The following WSCD1 variants were observed in gnomAD, a reference collection of about 807,000 sequenced individuals.
The protein encoded by WSCD1 is sialate:O-sulfotransferase 1.
In WSCD1, 41 loss-of-function variants were observed where a neutral mutation model predicts 60.4. The observed-to-expected ratio is 0.68, with a 90% confidence interval of 0.53 to 0.88. WSCD1 has a LOEUF of 0.88. Among genes scored for constraint, WSCD1 ranks in the 40% least tolerant of loss-of-function variants. WSCD1 has a pLI of 0.00. For missense variants in WSCD1, 784 were observed against 796.2 expected, an observed-to-expected ratio of 0.98 and a Z score of 0.18; for synonymous variants, 361 against 332.5, an observed-to-expected ratio of 1.09 and a Z score of -0.93.
At chr17:6,071,087 C>G (rs1249191785) in intron 1 of WSCD1, 1 of 152,242 alleles carries the variant, frequency 6.6e-6, no homozygotes, top group African/African-American at 2.4e-5. Flanking sequence ...CCCTCTCGTT[C>G]CGCTACCAAG....
chr17:6,104,225 G>A (rs925829942), intron 5 of WSCD1, among the ~76,000 whole-genome samples: 9 of 152,056 alleles, frequency 5.9e-5, no homozygotes, highest in South Asian at 2.1e-4. Context: ...ATTACCAAGC[G>A]GATGGTGCTA....
chr17:6,081,881 C>T (rs181219746), intron 2 of WSCD1: 3 of 152,238 alleles, frequency 2.0e-5, no homozygotes, highest in South Asian at 2.1e-4. Flanking sequence ...GATCTTGTCA[C>T]AAGTGCAAAT....
intron 5 of WSCD1, among the ~76,000 whole-genome samples, chr17:6,109,293 C>A (rs1911270639): frequency 6.6e-6 from 1 of 152,200 alleles, no homozygotes; most frequent in Non-Finnish European, 1.5e-5. Context: ...CCTCTGCCCC[C>A]TGCTTTCTGC....
chr17:6,092,231 G>A (rs1910106125), intron 4 of WSCD1, among the ~76,000 whole-genome samples: 1 of 151,476 alleles, frequency 6.6e-6, no homozygotes, highest in Non-Finnish European at 1.5e-5. Flanking sequence ...TGTCGAGTGA[G>A]TTTTCCAAGC....
At chr17:6,115,389 C>G (rs1911635849) in intron 7 of WSCD1, among the ~76,000 whole-genome samples, 1 of 152,142 alleles carries the variant, frequency 6.6e-6, no homozygotes, top group Non-Finnish European at 1.5e-5. Flanking sequence ...GTCCAAAAAT[C>G]TTTTAAGAGT....
intron 5 of WSCD1, among the ~76,000 whole-genome samples, chr17:6,100,414 G>A (rs1490955224): frequency 6.6e-6 from 1 of 152,240 alleles, no homozygotes; most frequent in Admixed American, 6.5e-5. Flanking sequence ...TGGATGTCAT[G>A]CCTTTAAGTC....
chr17:6,097,718 T>C lies in WSCD1; in HGVS notation c.849+2495T>C, dbSNP rs1910534890. On this transcript the variant is annotated intron_variant, in intron 5 of 8. Coordinates refer to ENST00000317744, the MANE Select transcript of WSCD1 (RefSeq NM_015253.2). ...CTGTAAGAAAAATATTCCTTGGAGATGCTGGGTCAAAGACTGAGTGTCTTT... is the reference window on the plus strand; with the variant it reads ...CTGTAAGAAAAATATTCCTTGGAGACGCTGGGTCAAAGACTGAGTGTCTTT... Among the ~76,000 whole-genome samples, 5 of 152,236 alleles carry C rather than the reference T, an allele frequency of 3.3e-5. No homozygotes were observed. In the South Asian group the frequency reaches 1.0e-3, roughly 32 times the overall value.
At chr17:6,108,809 G>A (rs1381535786) in intron 5 of WSCD1, among the ~76,000 whole-genome samples, 1 of 152,370 alleles carries the variant, frequency 6.6e-6, no homozygotes, top group East Asian at 1.9e-4. Context: ...AGGGGAACAA[G>A]GACCCACTTA....
At chr17:6,099,993 G>A (rs1910704596) in intron 5 of WSCD1, among the ~76,000 whole-genome samples, 2 of 152,132 alleles carry the variant, frequency 1.3e-5, no homozygotes, top group Non-Finnish European at 2.9e-5. Flanking sequence ...CATATAGCTT[G>A]AATGCCTGCC....
Position 6,080,805 on chromosome 17 carries a change from C to A in WSCD1, c.147C>A (p.Pro49=). The A allele has an allele frequency of 6.2e-7, 1 of 1,609,202 alleles. No homozygotes were observed. The highest frequency in any genetic ancestry group is 2.2e-5 in the East Asian group (1 of 44,730). ...RVALPQGPRA[P]GPLQTLPVAA... is the part of the protein sequence containing the mutation. The stretch of plus-strand genomic sequence containing the variant: ...CTCTCCCACAGGGCCCCCGGGCACC[C>A]GGCCCCCTGCAGACCTTGCCAGTGG... The change falls in exon 2 of 9, where the codon CCC becomes CCA. Residue 49 remains proline, a synonymous_variant. Transcript: ENST00000317744. The surrounding 1 kb of genome is among the most constrained non-coding windows in gnomAD (Gnocchi z 6.6).
Position 6,120,360 on chromosome 17 carries a change from T to C in WSCD1, c.1427T>C (p.Leu476Pro). 6.2e-7 allele frequency: 1 copy of C among 1,614,118 alleles called. No homozygotes were observed. Among genetic ancestry groups the C allele is most frequent in the East Asian group, 2.2e-5 (1 of 44,882 alleles). Residue 476 changes from leucine (L) to proline (P), a missense_variant, in exon 9 of 9, where the codon CTG becomes CCG. Physicochemically the swap from Leu to Pro is moderately conservative, Grantham distance 98 (BLOSUM62 -3). Transcript: ENST00000317744. ...GCCTCGTGGTGGTCCTCGCACGTCC[T>C]GGACTGGCTCAAGTACGGGAAGCGG... ...SYASWWSSHV[L>P]DWLKYGKRLL... is the part of the protein sequence containing the mutation.
chr17:6,087,075 G>A (rs1425964257), intron 2 of WSCD1, among the ~76,000 whole-genome samples: 2 of 152,230 alleles, frequency 1.3e-5, no homozygotes, highest in Admixed American at 6.5e-5. Context: ...TATTGTGGGT[G>A]TGCGTTCACG....
At position 6,078,351 on chromosome 17, in the gene WSCD1, G is replaced by A. The variant is rs73345100; in HGVS notation, c.-288-2020G>A. ...TCAACCCCGGGATGGTGAGTGCTGG[G>A]CTGAGGGTCAGCAGGGGCTGTGGAA... On this transcript the variant is annotated intron_variant, in intron 1 of 8. Transcript: ENST00000317744. 7.2e-3 allele frequency among the ~76,000 whole-genome samples: 1,098 copies of A among 152,320 alleles called. 7 individuals carry two copies. The highest frequency in any genetic ancestry group is 0.034 in the Middle Eastern group (10 of 294).
At chr17:6,115,548 A>G (rs1265124080) in intron 7 of WSCD1, among the ~76,000 whole-genome samples, 1 of 152,170 alleles carries the variant, frequency 6.6e-6, no homozygotes, top group African/African-American at 2.4e-5. Flanking sequence ...TCTGTTGTCA[A>G]GCATTTTCTC....
At chr17:6,111,231 A>T (rs1298408715) in intron 7 of WSCD1, among the ~76,000 whole-genome samples, 1 of 151,892 alleles carries the variant, frequency 6.6e-6, no homozygotes, top group Non-Finnish European at 1.5e-5. Flanking sequence ...AAGAAATTAC[A>T]CTGAGACTAC....
upstream of WSCD1, among the ~76,000 whole-genome samples, chr17:6,070,190 G>T (rs1908437637): frequency 6.6e-6 from 1 of 151,348 alleles, no homozygotes; most frequent in Non-Finnish European, 1.5e-5. Context: ...CAGAGTGGGT[G>T]GCGGCGTCTC....
intron 4 of WSCD1, among the ~76,000 whole-genome samples, chr17:6,093,842 G>A (rs533020724): frequency 6.4e-4 from 97 of 152,296 alleles, no homozygotes; most frequent in Admixed American, 1.2e-3. Context: ...GCAGTGCAAG[G>A]ACTTGAACCT....
chr17:6,094,680 GGGAAGGAAGGAA>G (rs901036031), intron 4 of WSCD1, among the ~76,000 whole-genome samples: 1 of 146,576 alleles, frequency 6.8e-6, no homozygotes, highest in Non-Finnish European at 1.5e-5. Context: ...AAGCAAGAGA[GGGAAGGAAGGAA>G]GGAAGGAAGG....
At chr17:6,090,295 G>C in intron 3 of WSCD1, 26 bp from the exon 4 acceptor site, 1 of 1,552,296 alleles carries the variant, frequency 6.4e-7, no homozygotes, top group Non-Finnish European at 8.7e-7. Context: ...CCAAGGTCCG[G>C]ACTCACCCAG....
Sources: gnomAD v4.1 joint callset for allele counts (sites outside exome capture counted in the v4.1 genomes callset) on GRCh38, gnomAD v4.1.1 for gene constraint, Gnocchi (gnomAD v3.1) non-coding constraint, MANE v1.5 for transcripts, NCBI Gene and HGNC (gene_info 2026-07-23, HGNC 2026-07-21) for gene names.